Variants in GALNT13 observed in about 807,000 individuals in gnomAD.
GALNT13 encodes polypeptide N-acetylgalactosaminyltransferase 13.
A neutral mutation model predicts 64.2 loss-of-function variants in GALNT13; 28 were observed. That is an observed-to-expected ratio of 0.44 (90% CI 0.32 to 0.60). The LOEUF (loss-of-function observed/expected upper bound fraction) is 0.60. Among genes scored for constraint, GALNT13 ranks in the 20% least tolerant of loss-of-function variants. The pLI is 0.05. For synonymous variants in GALNT13, 214 were observed against 224.6 expected, an observed-to-expected ratio of 0.95 and a Z score of 0.42; for missense variants, 577 against 669.8, an observed-to-expected ratio of 0.86 and a Z score of 1.53.
chr2:153,537,822 A>C, the GALNT13 span, among the ~76,000 whole-genome samples: 1 of 152,080 alleles, frequency 6.6e-6, no homozygotes, highest in Non-Finnish European at 1.5e-5. Context: ...TTCTGCCATG[A>C]TTGTATGTTT....
At chr2:153,425,271 G>A in the GALNT13 span, among the ~76,000 whole-genome samples, 1 of 151,452 alleles carries the variant, frequency 6.6e-6, no homozygotes, top group African/African-American at 2.4e-5. Context: ...TATCTCCTGG[G>A]CATCAATGGG....
the GALNT13 span, among the ~76,000 whole-genome samples, chr2:153,429,069 C>T: frequency 6.6e-6 from 1 of 152,030 alleles, no homozygotes. Context: ...CTTTCTCTTT[C>T]TCTCTCTCTT....
the GALNT13 span, among the ~76,000 whole-genome samples, chr2:153,388,150 C>A: frequency 3.3e-5 from 5 of 151,940 alleles, no homozygotes; most frequent in African/African-American, 9.7e-5. Context: ...CTTAGTCAAC[C>A]TTTCCCTGTT....
chr2:153,894,522 G>T (rs1458486937), intron 1 of GALNT13, among the ~76,000 whole-genome samples: 1 of 152,034 alleles, frequency 6.6e-6, no homozygotes, highest in Admixed American at 6.6e-5. Flanking sequence ...AAGAAAATAT[G>T]CAAGGGAGTT....
intron 4 of GALNT13, among the ~76,000 whole-genome samples, chr2:154,235,109 G>A (rs774499691): frequency 1.3e-5 from 2 of 152,038 alleles, no homozygotes; most frequent in African/African-American, 2.4e-5. Context: ...GGGAGCGTTG[G>A]AAGTACATCC....
intron 3 of GALNT13, among the ~76,000 whole-genome samples, chr2:153,966,143 T>C (rs1305674229): frequency 1.3e-5 from 2 of 151,788 alleles, no homozygotes; most frequent in Non-Finnish European, 2.9e-5. Context: ...AAATTCTCCC[T>C]CTTTTCTTTG....
chr2:153,097,068 T>C, the GALNT13 span, among the ~76,000 whole-genome samples: 1 of 152,146 alleles, frequency 6.6e-6, no homozygotes, highest in South Asian at 2.1e-4. Flanking sequence ...ACCATGATGC[T>C]TGCTAATACT....
chr2:153,992,687 G>C (rs1266947512), intron 3 of GALNT13, among the ~76,000 whole-genome samples: 3 of 151,960 alleles, frequency 2.0e-5, no homozygotes, highest in Non-Finnish European at 2.9e-5. Context: ...AATTGCATTT[G>C]CAATATATTG....
At chr2:153,902,155 T>C (rs1020643291) in intron 2 of GALNT13, among the ~76,000 whole-genome samples, 17 of 152,118 alleles carry the variant, frequency 1.1e-4, no homozygotes, top group Admixed American at 1.1e-3. Flanking sequence ...ATCAGCAACA[T>C]TTTATCTGGG....
intron 2 of GALNT13, among the ~76,000 whole-genome samples, chr2:153,913,432 G>A (rs796746659): frequency 6.6e-6 from 1 of 152,138 alleles, no homozygotes; most frequent in South Asian, 2.1e-4. Context: ...TCAGAGTTCA[G>A]GTTGGACAGT....
chr2:154,095,955 G>T (rs1412101103), intron 3 of GALNT13, among the ~76,000 whole-genome samples: 1 of 151,796 alleles, frequency 6.6e-6, no homozygotes, highest in East Asian at 1.9e-4. Flanking sequence ...TATAAAACAT[G>T]GTCTTGTGGT....
the GALNT13 span, among the ~76,000 whole-genome samples, chr2:153,349,204 AAAAAAAC>A: frequency 1.5e-3 from 233 of 152,172 alleles, 1 homozygote; most frequent in African/African-American, 5.0e-3. Flanking sequence ...GCAAGTGTGA[AAAAAAAC>A]AAAAAACAAA....
chr2:153,726,218 ATTAG>A, the GALNT13 span, among the ~76,000 whole-genome samples: 3 of 152,312 alleles, frequency 2.0e-5, no homozygotes, highest in South Asian at 2.1e-4. Context: ...AACTTTACAT[ATTAG>A]TTATTCAAAA....
At chr2:153,742,611 A>G in the GALNT13 span, among the ~76,000 whole-genome samples, 1 of 151,990 alleles carries the variant, frequency 6.6e-6, no homozygotes, top group African/African-American at 2.4e-5. Flanking sequence ...CCCAGTGTCC[A>G]TTATTTCCAT....
intron 2 of GALNT13, among the ~76,000 whole-genome samples, chr2:153,914,199 A>G (rs1482545358): frequency 6.6e-6 from 1 of 152,190 alleles, no homozygotes; most frequent in Non-Finnish European, 1.5e-5. Flanking sequence ...GGAAGAATGA[A>G]CATTCTGCTC....
At chr2:153,451,386 T>A in the GALNT13 span, among the ~76,000 whole-genome samples, 6 of 152,198 alleles carry the variant, frequency 3.9e-5, 1 homozygote, top group Admixed American at 3.9e-4. Context: ...TAAATGTACA[T>A]AATTTTTCTC....
At chr2:153,791,295 G>C in the GALNT13 span, among the ~76,000 whole-genome samples, 1 of 152,138 alleles carries the variant, frequency 6.6e-6, no homozygotes, top group Non-Finnish European at 1.5e-5. Context: ...CTGATCATTA[G>C]AGAAGTGCAA....
At chr2:153,366,041 C>T in the GALNT13 span, among the ~76,000 whole-genome samples, 1 of 152,136 alleles carries the variant, frequency 6.6e-6, no homozygotes, top group Non-Finnish European at 1.5e-5. Flanking sequence ...TACATGTACA[C>T]CATGGAATAC....
chr2:154,292,081 T>C (rs1037495436), intron 8 of GALNT13, among the ~76,000 whole-genome samples: 2 of 152,084 alleles, frequency 1.3e-5, no homozygotes, highest in African/African-American at 4.8e-5. Context: ...GTGCTCTGGG[T>C]GGAGCTAGTG....
Sources: allele counts gnomAD v4.1 joint callset (sites outside exome capture counted in the v4.1 genomes callset), GRCh38; gene constraint gnomAD v4.1.1; transcripts MANE v1.5; gene names NCBI Gene and HGNC (gene_info 2026-07-23, HGNC 2026-07-21).